Variants in PCDHA4 observed in about 807,000 individuals in gnomAD.
PCDHA4 encodes the protein protocadherin alpha-4.
A neutral mutation model predicts 61.4 loss-of-function variants in PCDHA4; 49 were observed. The ratio of observed to expected loss-of-function variants is 0.80; its 90% CI spans 0.63 to 1.01. The LOEUF (loss-of-function observed/expected upper bound fraction) is 1.01. Among genes scored for constraint, PCDHA4 ranks in the 50% least tolerant of loss-of-function variants. PCDHA4 has a pLI of 0.00. For missense variants in PCDHA4, 1,254 were observed against 1,235.8 expected (o/e 1.01, Z -0.22); for synonymous variants, 590 against 550.3 (o/e 1.07, Z -1.01).
In PCDHA4 at chr5:140,844,652, C is replaced by CA. The variant is rs1162718646; in HGVS notation, c.2385+35083dup. 1.0e-4 allele frequency among the ~76,000 whole-genome samples: 15 copies of CA among 149,492 alleles called. 1 individual carries two copies. The highest frequency in any genetic ancestry group is 2.0e-4 in the Admixed American group (3 of 14,904). On this transcript the variant is annotated intron_variant, in intron 1 of 3. Transcript: ENST00000530339. ...ACTATACATGATAATTTCATTCTTG[C>CA]AAACCAAACATATAATTTATAAATC...
intron 1 of PCDHA4, among the ~76,000 whole-genome samples, chr5:140,920,841 T>TAAAA (rs781921146): frequency 7.3e-5 from 8 of 109,222 alleles, no homozygotes; most frequent in African/African-American, 1.0e-4. Flanking sequence ...AGACCAAATC[T>TAAAA]AAAAAAAAAA....
At chr5:140,870,561 C>T (rs544569992) in intron 1 of PCDHA4, 6 of 1,614,010 alleles carry the variant, frequency 3.7e-6, no homozygotes, top group African/African-American at 1.3e-5. Flanking sequence ...CGCAGGAGAA[C>T]GCGCTGGTGT....
chr5:140,959,753 T>C (rs1479386012), intron 1 of PCDHA4, among the ~76,000 whole-genome samples: 1 of 152,226 alleles, frequency 6.6e-6, no homozygotes. Context: ...TTAAAGTATA[T>C]TTTAATATTC....
chr5:140,858,197 A>T lies in PCDHA4; in HGVS notation c.2385+48625A>T. On this transcript the variant is annotated intron_variant, in intron 1 of 3. Transcript: ENST00000530339. ...GCTGGTGCTCACGCTGCTGCTGTAC[A>T]CTGCACTGAGGTGCTCGGCGGCGCC... is the stretch of plus-strand genomic sequence containing the variant. The T allele has an allele frequency of 1.3e-6, 2 of 1,597,058 alleles. 1 individual carries two copies.
intron 1 of PCDHA4, among the ~76,000 whole-genome samples, chr5:140,936,658 G>A (rs1385566642): frequency 6.6e-6 from 1 of 152,174 alleles, no homozygotes; most frequent in Non-Finnish European, 1.5e-5. Context: ...TATATATTCT[G>A]TTTCTGGACT....
intron 1 of PCDHA4, chr5:140,836,576 A>C (rs1554136097): frequency 1.2e-6 from 2 of 1,613,572 alleles, no homozygotes; most frequent in African/African-American, 1.3e-5. Flanking sequence ...CTGAGGGCGC[A>C]TGTAGTTTGG....
At chr5:140,963,925 T>C (rs1293339875) in intron 1 of PCDHA4, among the ~76,000 whole-genome samples, 1 of 152,230 alleles carries the variant, frequency 6.6e-6, no homozygotes, top group Non-Finnish European at 1.5e-5. Flanking sequence ...CTAAGTAACA[T>C]GTCCATAGCC....
In PCDHA4 at chr5:140,903,563, T is replaced by C. The variant is rs1459855021; in HGVS notation, c.2386-75386T>C. ...CAAGAAACTTTTCTAATAAGTGGAA[T>C]TGGGAGCTGTCTAGCTGGTGTTGGC... On this transcript the variant is annotated intron_variant, in intron 1 of 3. Transcript: ENST00000530339. Among the ~76,000 whole-genome samples the C allele has an allele frequency of 2.6e-5, 4 of 152,208 alleles. No individual in the cohort carries two copies. In the East Asian group the frequency reaches 5.8e-4, roughly 22 times the overall value.
chr5:140,813,058 C>T (rs10223116), intron 1 of PCDHA4: 71,793 of 151,960 alleles, frequency 0.47, 17,482 homozygotes, highest in Middle Eastern at 0.61. Flanking sequence ...TGTGACCTGA[C>T]GTGTGATTTA....
rs1769607526 is a variant in PCDHA4 at position 140,828,202 on chromosome 5, G to T, written c.2385+18630G>T. On this transcript the variant is annotated intron_variant, in intron 1 of 3. Transcript: ENST00000530339. ...GCCAGCTCCACTACTCCGTACCCGA[G>T]GAGGCCAAACACGGCACCTTCGTGG... is the stretch of plus-strand genomic sequence containing the variant. The T allele has an allele frequency of 2.5e-6, 4 of 1,614,084 alleles. No homozygotes were observed. In the African/African-American group the frequency reaches 4.0e-5, roughly 16 times the overall value.
intron 1 of PCDHA4, chr5:140,824,631 T>TTTTTTTTTTTTG (rs1768292344): frequency 8.2e-6 from 1 of 121,430 alleles, no homozygotes. Flanking sequence ...TTTTTTTTTT[T>TTTTTTTTTTTTG]TATTTTCTGT....
chr5:140,868,737 T>C (rs1479223301), intron 1 of PCDHA4: 1 of 203,404 alleles, frequency 4.9e-6, no homozygotes, highest in African/African-American at 2.3e-5. Context: ...AATCGAGAAA[T>C]ACAATGCCAT....
chr5:140,898,422 C>T (rs1554187981), intron 1 of PCDHA4, among the ~76,000 whole-genome samples: 2 of 152,278 alleles, frequency 1.3e-5, no homozygotes, highest in East Asian at 3.9e-4. Context: ...AGCCAGTTTT[C>T]CCAGCACCAT....
Position 140,870,112 on chromosome 5 carries a change from G to T in PCDHA4, c.2385+60540G>T, listed in dbSNP as rs781902121. ...AATGGCAGGTCACTGTACAGTCTGG[G>T]TGGAAATCTTGGACACCAACGATAA... On this transcript the variant is annotated intron_variant, in intron 1 of 3. Transcript: ENST00000530339. 2 of 1,613,938 alleles carry T rather than the reference G, an allele frequency of 1.2e-6. No homozygotes were observed. The highest frequency in any genetic ancestry group is 2.2e-5 in the South Asian group (2 of 91,080).
intron 1 of PCDHA4, among the ~76,000 whole-genome samples, chr5:140,938,510 A>G (rs2092097687): frequency 6.6e-6 from 1 of 151,662 alleles, no homozygotes; most frequent in Non-Finnish European, 1.5e-5. Context: ...TTTATCACAT[A>G]TTTTCTGTTA....
chr5:140,966,539 T>TCGGAGGCGAG (rs2096018089), intron 1 of PCDHA4: 1 of 462,064 alleles, frequency 2.2e-6, no homozygotes, highest in Non-Finnish European at 3.7e-6. Flanking sequence ...GTTGAGCGAC[T>TCGGAGGCGAG]CGGAGGCGAG....
At chr5:140,853,330 G>A in intron 1 of PCDHA4, 1 of 984,768 alleles carries the variant, frequency 1.0e-6, no homozygotes, top group South Asian at 4.7e-5. Flanking sequence ...TTTATCTTTT[G>A]AGGTCATTAG....
rs2150132221 is a variant in PCDHA4 at position 140,824,107 on chromosome 5, G to T, written c.2385+14535G>T. ...GGCCTTCAGTCCAAGCCTTCCTCAG[G>T]GTCCCACCTCTACAGACAACGTGAG... On this transcript the variant is annotated intron_variant, in intron 1 of 3. Transcript: ENST00000530339. The T allele has an allele frequency of 6.2e-6, 10 of 1,613,972 alleles. No homozygotes were observed. In the South Asian group the frequency reaches 9.9e-5, roughly 16 times the overall value.
chr5:140,897,720 G>A (rs1457512042), intron 1 of PCDHA4, among the ~76,000 whole-genome samples: 1 of 152,086 alleles, frequency 6.6e-6, no homozygotes, highest in Non-Finnish European at 1.5e-5. Context: ...GGGATGGCTG[G>A]GTCAAATAGT....
Sources: gnomAD v4.1 joint callset for allele counts (sites outside exome capture counted in the v4.1 genomes callset) on GRCh38, gnomAD v4.1.1 for gene constraint, MANE v1.5 for transcripts, NCBI Gene and HGNC (gene_info 2026-07-23, HGNC 2026-07-21) for gene names.